Variants in MED12L observed in about 807,000 individuals in gnomAD.
MED12L encodes mediator complex subunit 12L.
A neutral mutation model predicts 281.3 loss-of-function variants in MED12L; 60 were observed. The observed-to-expected ratio is 0.21, with a 90% CI of 0.17 to 0.26. The LOEUF (loss-of-function observed/expected upper bound fraction) is 0.26. Among genes scored for constraint, MED12L ranks in the 10% least tolerant of loss-of-function variants. MED12L has a pLI of 1.00. For missense variants in MED12L, 2,146 were observed against 2,680.9 expected, an observed-to-expected ratio of 0.80 and a Z score of 4.41; for synonymous variants, 974 against 987.2, an observed-to-expected ratio of 0.99 and a Z score of 0.25.
intron 26 of MED12L, 31 bp from the exon 27 acceptor site, chr3:151,372,536 G>C (rs746693954): frequency 6.4e-7 from 1 of 1,564,668 alleles, no homozygotes; most frequent in Non-Finnish European, 8.8e-7. Flanking sequence ...TTGAACTTCT[G>C]TGATTTTGCT....
rs545884653 is a variant in MED12L at position 151,152,616 on chromosome 3, T to C, written c.557-3545T>C. On this transcript the variant is annotated intron_variant, in intron 5 of 44. Transcript: ENST00000687756. ...TGATGGTGATAATAGCTACCACTTA[T>C]TGATTTCCGTGTTGCATGCTTCATG... Among the ~76,000 whole-genome samples, 214 of 152,322 alleles carry C rather than the reference T, an allele frequency of 1.4e-3. 1 individual carries two copies. Among genetic ancestry groups the C allele is most frequent in the South Asian group, 0.01 (49 of 4,822 alleles).
chr3:151,196,535 G>C (rs1383052504), intron 16 of MED12L, among the ~76,000 whole-genome samples: 1 of 152,164 alleles, frequency 6.6e-6, no homozygotes, highest in African/African-American at 2.4e-5. Flanking sequence ...CAAAGATTCA[G>C]AAAAACAGTT....
At chr3:151,110,359 C>T (rs1364819667) in intron 2 of MED12L, among the ~76,000 whole-genome samples, 1 of 152,188 alleles carries the variant, frequency 6.6e-6, no homozygotes, top group East Asian at 1.9e-4. Context: ...CCCAGTTTCC[C>T]AAACTTGGGG....
intron 13 of MED12L, 52 bp from the exon 14 acceptor site, chr3:151,190,665 T>A (rs911552615): frequency 1.9e-6 from 3 of 1,551,860 alleles, no homozygotes; most frequent in African/African-American, 2.7e-5. Context: ...AGTAATTAGT[T>A]TTTTTCTACC....
At chr3:151,298,188 C>T (rs992271855) in intron 16 of MED12L, among the ~76,000 whole-genome samples, 1 of 152,158 alleles carries the variant, frequency 6.6e-6, no homozygotes, top group Non-Finnish European at 1.5e-5. Context: ...ATTTCCAAAA[C>T]GTATAGGTGT....
At position 151,423,225 on chromosome 3, in the gene MED12L, A is replaced by G. The variant is rs565566056; in HGVS notation, c.6408+6803A>G. ...ACTTTAAGTTCTGGGGTACATGTGCAGAATGGATTCATTGCTTTTTGACTA... is the reference window on the plus strand; with the variant it reads ...ACTTTAAGTTCTGGGGTACATGTGCGGAATGGATTCATTGCTTTTTGACTA... On this transcript the variant is annotated intron_variant, in intron 43 of 44. Coordinates refer to ENST00000687756, the MANE Select transcript of MED12L (RefSeq NM_001393769.1). Among the ~76,000 whole-genome samples the G allele has an allele frequency of 2.4e-4, 37 of 151,924 alleles. 1 individual carries two copies. The South Asian group carries it at 7.5e-3, about 31-fold the overall frequency.
chr3:151,224,856 TA>T, intron 16 of MED12L, among the ~76,000 whole-genome samples: 1 of 152,214 alleles, frequency 6.6e-6, no homozygotes, highest in East Asian at 1.9e-4. Context: ...TTATATAGTG[TA>T]ACCTTTGCCT....
chr3:151,347,810 G>A (rs1381690804), intron 16 of MED12L, among the ~76,000 whole-genome samples: 2 of 152,156 alleles, frequency 1.3e-5, no homozygotes, highest in Non-Finnish European at 2.9e-5. Context: ...TTACAAGGAA[G>A]CGATGTTACC....
intron 16 of MED12L, among the ~76,000 whole-genome samples, chr3:151,196,811 TA>T (rs1194879374): frequency 1.3e-5 from 2 of 152,248 alleles, no homozygotes; most frequent in African/African-American, 4.8e-5. Context: ...AGAGTCAGAA[TA>T]TTTTTATGGA....
intron 5 of MED12L, among the ~76,000 whole-genome samples, chr3:151,136,962 G>A (rs1023353511): frequency 1.3e-5 from 2 of 151,980 alleles, no homozygotes; most frequent in African/African-American, 2.4e-5. Flanking sequence ...AGGAGATCAA[G>A]ACCATCCTGG....
intron 32 of MED12L, among the ~76,000 whole-genome samples, chr3:151,382,261 G>A (rs545961376): frequency 6.6e-6 from 1 of 152,210 alleles, no homozygotes; most frequent in South Asian, 2.1e-4. Context: ...ACATTTGCTA[G>A]GGTTCAGCAA....
chr3:151,379,850 C>T (rs1711926933), intron 31 of MED12L, among the ~76,000 whole-genome samples: 1 of 152,198 alleles, frequency 6.6e-6, no homozygotes, highest in South Asian at 2.1e-4. Context: ...TCTACCCTCA[C>T]TGCCCGGCAT....
intron 16 of MED12L, chr3:151,212,641 T>C (rs1727362928): frequency 6.6e-6 from 1 of 152,146 alleles, no homozygotes; most frequent in South Asian, 2.1e-4. Context: ...AGAAAACATA[T>C]TTAGCATGTA....
Position 151,170,014 on chromosome 3 carries a change from C to G in MED12L, c.1494+4032C>G, listed in dbSNP as rs138228938. Among the ~76,000 whole-genome samples, 25 of 152,300 alleles carry G rather than the reference C, an allele frequency of 1.6e-4. No individual in the cohort carries two copies. The East Asian group carries it at 4.8e-3, about 29-fold the overall frequency. ...CTGCGACAGGGAAATGCAGTCCTCT[C>G]TACTTCCTTGTAGGGAGGGGAGAAC... On this transcript the variant is annotated intron_variant, in intron 11 of 44. Coordinates refer to ENST00000687756, the MANE Select transcript of MED12L (RefSeq NM_001393769.1).
intron 16 of MED12L, chr3:151,336,673 A>G (rs1210963981): frequency 2.7e-6 from 1 of 376,200 alleles, no homozygotes; most frequent in African/African-American, 2.2e-5. Context: ...GACCTGTTTT[A>G]TCATTTACAT....
intron 23 of MED12L, among the ~76,000 whole-genome samples, chr3:151,366,892 G>GC (rs1755350697): frequency 6.6e-6 from 1 of 151,888 alleles, no homozygotes; most frequent in Non-Finnish European, 1.5e-5. Flanking sequence ...TTTACCTTCT[G>GC]CAATTCCTCA....
chr3:151,118,090 CAAAA>C (rs778516389), intron 3 of MED12L, among the ~76,000 whole-genome samples: 2 of 87,822 alleles, frequency 2.3e-5, no homozygotes, highest in Admixed American at 1.2e-4. Flanking sequence ...GACTCCATCT[CAAAA>C]AAAAAAAAAA....
chr3:151,340,502 G>A (rs1342422099), intron 16 of MED12L: 1 of 152,372 alleles, frequency 6.6e-6, no homozygotes, highest in African/African-American at 2.4e-5. Flanking sequence ...TAGTTATTAA[G>A]GTTTACAATT....
Position 151,183,230 on chromosome 3 carries a change from G to A in MED12L, c.1495-2100G>A, listed in dbSNP as rs2149064144. 1.3e-5 allele frequency among the ~76,000 whole-genome samples: 2 copies of A among 152,274 alleles called. 1 individual carries two copies. The highest frequency in any genetic ancestry group is 4.1e-4 in the South Asian group (2 of 4,826). On this transcript the variant is annotated intron_variant, in intron 11 of 44. Transcript: ENST00000687756. ...CTAGTTAACAGTGTGACTATATGAA[G>A]GTTCAAGACCATGCCTCTCGTAAAA...
Sources: allele counts gnomAD v4.1 joint callset (sites outside exome capture counted in the v4.1 genomes callset), GRCh38; gene constraint gnomAD v4.1.1; transcripts MANE v1.5; gene names NCBI Gene and HGNC (gene_info 2026-07-23, HGNC 2026-07-21).